SLC25A28: variants seen among roughly 807,000 people sequenced by gnomAD.
SLC25A28 encodes mitoferrin-2.
In SLC25A28, 10 loss-of-function variants were observed where a neutral mutation model predicts 31.9. That is an observed-to-expected ratio of 0.31 (90% CI 0.19 to 0.53). The LOEUF (loss-of-function observed/expected upper bound fraction) is 0.53. Ranked by LOEUF, SLC25A28 falls within the 20% of genes least tolerant of loss-of-function variation. The pLI is 0.95. For missense variants in SLC25A28, 256 were observed against 490.3 expected (o/e 0.52, Z 4.51); for synonymous variants, 208 against 203.6 (o/e 1.02, Z -0.19).
intron 1 of SLC25A28, chr10:99,616,985 T>C (rs2034672404): frequency 2.0e-6 from 2 of 985,144 alleles, no homozygotes; most frequent in South Asian, 9.4e-5. Context: ...ATGTTTCCAT[T>C]TCCTAATCTT....
At chr10:99,646,739 G>C in the SLC25A28 span, among the ~76,000 whole-genome samples, 1 of 152,202 alleles carries the variant, frequency 6.6e-6, no homozygotes, top group African/African-American at 2.4e-5. Context: ...TTGCATAGTG[G>C]TAAAGTCTGC....
the SLC25A28 span, among the ~76,000 whole-genome samples, chr10:99,638,693 C>T: frequency 6.6e-6 from 1 of 152,194 alleles, no homozygotes; most frequent in Non-Finnish European, 1.5e-5. Context: ...AAATGCTCAA[C>T]ATCACTAATG....
intron 3 of SLC25A28, among the ~76,000 whole-genome samples, chr10:99,612,218 T>A (rs2034542446): frequency 1.3e-5 from 2 of 152,198 alleles, no homozygotes. Flanking sequence ...TCAGAATCCA[T>A]CTTCACCTCT....
At chr10:99,659,230 G>A in the SLC25A28 span, among the ~76,000 whole-genome samples, 1 of 152,180 alleles carries the variant, frequency 6.6e-6, no homozygotes, top group Non-Finnish European at 1.5e-5. This position sits in a 1 kb window ranked among gnomAD's most constrained non-coding sequence, Gnocchi z 4.1. Context: ...GCACAGGGCC[G>A]CCCAGCGCCA....
chr10:99,617,605 C>A (rs780473630), intron 1 of SLC25A28: 7 of 985,282 alleles, frequency 7.1e-6, no homozygotes, highest in Non-Finnish European at 8.4e-6. Flanking sequence ...TACTTTCATG[C>A]CTGCACAAAA....
chr10:99,620,525 T>C, upstream of SLC25A28: 1 of 1,033,970 alleles, frequency 9.7e-7, no homozygotes, highest in Non-Finnish European at 1.2e-6. Context: ...ACCCCTTTCC[T>C]TACGTACGAA....
intron 1 of SLC25A28, chr10:99,617,238 CTG>C (rs1190616286): frequency 1.1e-5 from 11 of 985,384 alleles, no homozygotes; most frequent in Middle Eastern, 5.2e-4. Flanking sequence ...GAAAAGGAAA[CTG>C]GGATTTATCT....
chr10:99,639,896 C>T, the SLC25A28 span, among the ~76,000 whole-genome samples: 2 of 152,086 alleles, frequency 1.3e-5, no homozygotes, highest in South Asian at 4.1e-4. Flanking sequence ...ACTTATCAGG[C>T]TTCAGTTATG....
chr10:99,628,270 T>C, the SLC25A28 span, among the ~76,000 whole-genome samples: 1 of 152,260 alleles, frequency 6.6e-6, no homozygotes, highest in African/African-American at 2.4e-5. Flanking sequence ...GTAATACTCC[T>C]CATTTACTCA....
chr10:99,631,918 C>CTAA, the SLC25A28 span, among the ~76,000 whole-genome samples: 1 of 98,850 alleles, frequency 1.0e-5, no homozygotes, highest in Non-Finnish European at 1.8e-5. Flanking sequence ...GAGACGGAGT[C>CTAA]TCGCTCTGTC....
At chr10:99,638,994 T>A in the SLC25A28 span, among the ~76,000 whole-genome samples, 1 of 152,112 alleles carries the variant, frequency 6.6e-6, no homozygotes, top group East Asian at 1.9e-4. Flanking sequence ...ACACACATGT[T>A]TATAACAGCA....
At chr10:99,620,918 T>A (rs969498570), upstream of SLC25A28, 13 of 984,662 alleles carry the variant, frequency 1.3e-5, no homozygotes, top group South Asian at 4.7e-5. Context: ...GCCTTCAACG[T>A]CAAACTGCTG....
chr10:99,616,739 AGAGTCTGATACACT>A, intron 1 of SLC25A28: 3 of 985,330 alleles, frequency 3.0e-6, no homozygotes, highest in Non-Finnish European at 3.6e-6. Flanking sequence ...GGAAGGCTTG[AGAGTCTGATACACT>A]GAGTTCAAAT....
Position 99,613,751 on chromosome 10 carries a change from T to C in SLC25A28, c.465A>G (p.Leu155=). Residue 155 remains leucine (L), a synonymous_variant, in exon 2 of 4, where the codon TTA becomes TTG. Coordinates refer to ENST00000370495, the MANE Select transcript of SLC25A28 (RefSeq NM_031212.4). This position sits in a 1 kb window ranked among gnomAD's most constrained non-coding sequence, Gnocchi z 4.9. ...GGATTACATCACTCAATGTCTTTTT[T>C]AACTTTTCGTAGCAGGCAAAATAAA... ...HALYFACYEK[L]KKTLSDVIHP... is the part of the protein sequence containing the mutation. The C allele has an allele frequency of 1.2e-6, 2 of 1,614,246 alleles. No individual in the cohort carries two copies. The highest frequency in any genetic ancestry group is 1.3e-5 in the African/African-American group (1 of 75,058).
the SLC25A28 span, among the ~76,000 whole-genome samples, chr10:99,648,278 T>G: frequency 6.6e-6 from 1 of 152,142 alleles, no homozygotes; most frequent in African/African-American, 2.4e-5. Context: ...ATTACAGGCA[T>G]GCACCACCAT....
At chr10:99,650,646 A>G in the SLC25A28 span, among the ~76,000 whole-genome samples, 1 of 151,452 alleles carries the variant, frequency 6.6e-6, no homozygotes, top group Non-Finnish European at 1.5e-5. Context: ...CATCTCAGTC[A>G]CACAGCAGCC....
the SLC25A28 span, among the ~76,000 whole-genome samples, chr10:99,626,388 A>C: frequency 6.6e-6 from 1 of 152,228 alleles, no homozygotes; most frequent in African/African-American, 2.4e-5. Flanking sequence ...AGACTTTCCA[A>C]GGGTTATTTA....
chr10:99,625,436 A>G (rs1298459955), upstream of SLC25A28, among the ~76,000 whole-genome samples: 1 of 152,104 alleles, frequency 6.6e-6, no homozygotes, highest in East Asian at 1.9e-4. Flanking sequence ...TGTTGTGTTT[A>G]CAATCCTCTA....
chr10:99,628,349 T>A, the SLC25A28 span, among the ~76,000 whole-genome samples: 1 of 152,226 alleles, frequency 6.6e-6, no homozygotes, highest in African/African-American at 2.4e-5. Context: ...AAGTACATGT[T>A]TACATGTTTT....
Sources: allele counts gnomAD v4.1 joint callset (sites outside exome capture counted in the v4.1 genomes callset), GRCh38; gene constraint gnomAD v4.1.1; non-coding constraint Gnocchi (gnomAD v3.1); transcripts MANE v1.5; gene names NCBI Gene and HGNC (gene_info 2026-07-23, HGNC 2026-07-21).